Variants in ZC3H8 observed in about 807,000 individuals in gnomAD.
The protein encoded by ZC3H8 is zinc finger CCCH domain-containing protein 8.
Under a neutral mutation model 42.5 loss-of-function variants are expected in ZC3H8, and 27 were observed. That is an observed-to-expected ratio of 0.64 (90% CI 0.47 to 0.88). The LOEUF is 0.88. Ranked by LOEUF, ZC3H8 falls within the 40% of genes least tolerant of loss-of-function variation. The probability of loss-of-function intolerance (pLI) is 0.00; values close to 1 mark genes in which losing one functional copy is unlikely to be tolerated. For missense variants in ZC3H8, 277 were observed against 336.1 expected (o/e 0.82, Z 1.37); for synonymous variants, 101 against 110.1 (o/e 0.92, Z 0.52).
intron 2 of ZC3H8, among the ~76,000 whole-genome samples, chr2:112,248,359 A>G (rs561739742): frequency 9.9e-5 from 15 of 152,090 alleles, no homozygotes; most frequent in Non-Finnish European, 1.8e-4. Context: ...AAGAAAAAGA[A>G]AAGGAAAAAA....
intron 8 of ZC3H8, among the ~76,000 whole-genome samples, chr2:112,229,513 G>C (rs1370203846): frequency 2.0e-5 from 3 of 152,158 alleles, no homozygotes; most frequent in African/African-American, 7.2e-5. Flanking sequence ...GCCCTCTTGA[G>C]TTTCTGCCAA....
chr2:112,245,000 G>A (rs1015918981), intron 2 of ZC3H8, among the ~76,000 whole-genome samples: 1 of 152,244 alleles, frequency 6.6e-6, no homozygotes, highest in Non-Finnish European at 1.5e-5. Flanking sequence ...TAAGCTTAGT[G>A]AGGAAGGCAT....
At chr2:112,242,463 A>G (rs1257968870) in intron 2 of ZC3H8, among the ~76,000 whole-genome samples, 1 of 152,246 alleles carries the variant, frequency 6.6e-6, no homozygotes, top group Admixed American at 6.5e-5. Flanking sequence ...ATCACTTCGT[A>G]GAGATGCTCA....
At chr2:112,229,748 G>A (rs368252726) in intron 8 of ZC3H8, among the ~76,000 whole-genome samples, 10 of 152,132 alleles carry the variant, frequency 6.6e-5, no homozygotes, top group African/African-American at 1.9e-4. Context: ...CACCATTACT[G>A]TACCAACTGT....
At position 112,212,448 on chromosome 2, in the gene ZC3H8, C is replaced by T. The variant is rs1282463214; in HGVS notation, c.*4036G>A. The T allele has an allele frequency of 6.6e-6, 1 of 152,204 alleles. No individual in the cohort carries two copies. Among genetic ancestry groups the T allele is most frequent in the Non-Finnish European group, 1.5e-5 (1 of 68,046 alleles). 9.4% of individuals were successfully genotyped at this position (152,204 alleles called of 1,614,324 possible). A position where few individuals can be genotyped will look rare whatever the true frequency, so the allele number is the denominator to read the frequency against. On this transcript the variant is annotated 3_prime_UTR_variant, in exon 9 of 9. Coordinates refer to ENST00000409573, the MANE Select transcript of ZC3H8 (RefSeq NM_032494.3). ...TGAAGAGGATGGCGAGGGGGAGAAA[C>T]ATGGACTTTGGGAAGAAGAATGTAG...
intron 2 of ZC3H8, among the ~76,000 whole-genome samples, chr2:112,241,516 T>C (rs1340690509): frequency 2.0e-5 from 3 of 152,212 alleles, no homozygotes; most frequent in African/African-American, 7.2e-5. Context: ...TGAACTTGAA[T>C]GAGAAGAAAA....
In ZC3H8 at chr2:112,236,571, T is replaced by C. The variant is rs746178373; in HGVS notation, c.495A>G (p.Ser165=). 1 of 1,613,296 alleles carries C rather than the reference T, an allele frequency of 6.2e-7. No individual in the cohort carries two copies. The highest frequency in any genetic ancestry group is 2.2e-5 in the East Asian group (1 of 44,882). ...GSNALLRNSG[S]QEEDGKPKEK... ...GCATATATTCCAATACCTCTTCCTG[T>C]GAGCCGCTGTTCCTCAGCAAAGCAT... Residue 165 remains serine, a synonymous_variant, in exon 4 of 9, where the codon TCA becomes TCG. Transcript: ENST00000409573.
intron 5 of ZC3H8, 117 bp from the exon 6 acceptor site, chr2:112,233,488 AG>A: frequency 1.8e-5 from 12 of 684,504 alleles, no homozygotes; most frequent in Non-Finnish European, 3.0e-5. Flanking sequence ...AAAGTCTTAG[AG>A]GTAGCACATT....
At chr2:112,253,082 C>T (rs1686011052) in intron 1 of ZC3H8, among the ~76,000 whole-genome samples, 1 of 151,836 alleles carries the variant, frequency 6.6e-6, no homozygotes, top group Non-Finnish European at 1.5e-5. Flanking sequence ...TGCAGTGAGC[C>T]GAGATCGCGC....
chr2:112,222,517 A>G (rs1008169877), intron 8 of ZC3H8, among the ~76,000 whole-genome samples: 5 of 152,192 alleles, frequency 3.3e-5, no homozygotes, highest in African/African-American at 1.2e-4. Flanking sequence ...ATGCTAAATG[A>G]AATAAGCCTG....
chr2:112,219,271 G>A (rs1684480135), intron 8 of ZC3H8, among the ~76,000 whole-genome samples: 1 of 152,130 alleles, frequency 6.6e-6, no homozygotes, highest in African/African-American at 2.4e-5. Context: ...GGAGAGGGTA[G>A]AAATAAACCC....
rs947456609 is a variant in ZC3H8, at chr2:112,215,686, A to G, written c.*798T>C. ...TATTACTATATAAAACTGCATATTT[A>G]GAATCTCATTATTATTTGTACTTGG... On this transcript the variant is annotated 3_prime_UTR_variant, in exon 9 of 9. Transcript: ENST00000409573. 1.3e-5 allele frequency: 2 copies of G among 152,212 alleles called. No homozygotes were observed. Among genetic ancestry groups the G allele is most frequent in the Admixed American group, 1.3e-4 (2 of 15,284 alleles). 9.4% of individuals were successfully genotyped at this position (152,212 alleles called of 1,614,324 possible). A position where few individuals can be genotyped will look rare whatever the true frequency, so the allele number is the denominator to read the frequency against.
intron 2 of ZC3H8, among the ~76,000 whole-genome samples, chr2:112,248,594 G>A (rs918338745): frequency 2.6e-5 from 4 of 151,952 alleles, no homozygotes; most frequent in Admixed American, 2.6e-4. Context: ...GGGTTTAAGC[G>A]ATTCTCCTGC....
At chr2:112,219,880 T>G (rs929237631) in intron 8 of ZC3H8, among the ~76,000 whole-genome samples, 13 of 152,196 alleles carry the variant, frequency 8.5e-5, no homozygotes, top group African/African-American at 2.9e-4. Flanking sequence ...TGTCTCCCAC[T>G]ATTATTGTGT....
At position 112,248,961 on chromosome 2, in the gene ZC3H8, G is replaced by A. The variant is rs533252063; in HGVS notation, c.156+1230C>T. Among the ~76,000 whole-genome samples, 61 of 152,240 alleles carry A rather than the reference G, an allele frequency of 4.0e-4. No individual in the cohort carries two copies. In the Middle Eastern group the frequency reaches 0.01, roughly 25 times the overall value. ...TGTAATCCCAGCACTTTGGGAGGCC[G>A]AGGCGGTCAGATCGCTTGACCCCAG... On this transcript the variant is annotated intron_variant, in intron 2 of 8. Transcript: ENST00000409573.
intron 2 of ZC3H8, among the ~76,000 whole-genome samples, chr2:112,247,524 A>T (rs1441666280): frequency 6.6e-6 from 1 of 152,228 alleles, no homozygotes; most frequent in East Asian, 1.9e-4. Flanking sequence ...GGTTGCAGTG[A>T]GCCAAGATTT....
intron 6 of ZC3H8, 48 bp downstream of exon 6, chr2:112,233,212 G>A: frequency 1.5e-6 from 2 of 1,311,000 alleles, no homozygotes; most frequent in Non-Finnish European, 2.1e-6. Context: ...CATTTAAAAT[G>A]TTCATGTAAA....
intron 8 of ZC3H8, among the ~76,000 whole-genome samples, chr2:112,227,914 G>A (rs1684917255): frequency 6.6e-6 from 1 of 151,442 alleles, no homozygotes; most frequent in African/African-American, 2.4e-5. Context: ...ATCTCAGCAT[G>A]GGTTTTTTGC....
rs1231233093 is a variant in ZC3H8, at chr2:112,213,171, T to G, written c.*3313A>C. 2 of 152,018 alleles carry G rather than the reference T, an allele frequency of 1.3e-5. No individual in the cohort carries two copies. Among genetic ancestry groups the G allele is most frequent in the African/African-American group, 2.4e-5 (1 of 41,384 alleles). The allele number at this position is 152,018 out of a possible 1,614,324, so 9.4% of individuals were successfully genotyped here. ...TTTTTGTAAAGATGAGATCTTGCTA[T>G]GTTGCCAAGGCTGGTCTCAAACTCC... On this transcript the variant is annotated 3_prime_UTR_variant, in exon 9 of 9. Transcript: ENST00000409573.
Sources: gnomAD v4.1 joint callset for allele counts (sites outside exome capture counted in the v4.1 genomes callset) on GRCh38, gnomAD v4.1.1 for gene constraint, MANE v1.5 for transcripts, NCBI Gene and HGNC (gene_info 2026-07-23, HGNC 2026-07-21) for gene names.